WDFY4: variants seen among roughly 807,000 people sequenced by gnomAD.
WDFY4 encodes WDFY family member 4, also known as WD repeat- and FYVE domain-containing protein 4.
In WDFY4, 169 loss-of-function variants were observed where a neutral mutation model predicts 351.9. The observed-to-expected ratio is 0.48, with a 90% confidence interval of 0.42 to 0.55. The LOEUF (loss-of-function observed/expected upper bound fraction) is 0.55. Ranked by LOEUF, WDFY4 falls within the 20% of genes least tolerant of loss-of-function variation. The pLI, the probability that WDFY4 is intolerant of heterozygous loss-of-function variation, is 0.00. For synonymous variants in WDFY4, 1,622 were observed against 1,574.6 expected, an observed-to-expected ratio of 1.03 and a Z score of -0.71; for missense variants, 3,803 against 3,935.6, an observed-to-expected ratio of 0.97 and a Z score of 0.90.
At chr10:48,792,184 C>T (rs370565866) in intron 23 of WDFY4, among the ~76,000 whole-genome samples, 4 of 152,158 alleles carry the variant, frequency 2.6e-5, no homozygotes, top group African/African-American at 9.7e-5. Flanking sequence ...CCTGTGGCCT[C>T]CGCTCAGAGC....
At chr10:48,859,113 T>TTTTGC (rs1439496523) in intron 39 of WDFY4, among the ~76,000 whole-genome samples, 1 of 152,182 alleles carries the variant, frequency 6.6e-6, no homozygotes, top group Non-Finnish European at 1.5e-5. Context: ...TTTTGTTTTG[T>TTTTGC]TTTGCTTTGT....
chr10:48,791,015 A>G, intron 23 of WDFY4, 98 bp downstream of exon 23: 7 of 1,425,936 alleles, frequency 4.9e-6, no homozygotes, highest in Non-Finnish European at 5.7e-6. Context: ...CATTCCCTCC[A>G]GGGTGACTTC....
Position 48,729,587 on chromosome 10 carries a change from C to T in WDFY4, c.1127C>T (p.Ser376Phe). ...GGCTTCAAGTTCCATCATGAGGCAT[C>T]TGGTGAGTCTTTCCTGTGTCTGGGT... ...LEGFKFHHEASGVTVKNLQAF... is the reference protein window; with the variant it reads ...LEGFKFHHEAFGVTVKNLQAF... The change falls in exon 8 of 62, where the codon TCT becomes TTT. Residue 376 changes from serine (S) to phenylalanine (F), a missense_variant and splice_region_variant. Physicochemically the swap from Ser to Phe is radical, Grantham distance 155. Around this residue, in one of 3 missense-constraint regions of WDFY4, gnomAD observed 488 missense variants for 456.8 expected, o/e 1.07. Transcript: ENST00000325239. The T allele has an allele frequency of 6.4e-7, 1 of 1,551,662 alleles. No homozygotes were observed. Among genetic ancestry groups the T allele is most frequent in the South Asian group, 1.2e-5 (1 of 84,058 alleles).
chr10:48,777,391 AT>A (rs2066068876), intron 16 of WDFY4, 27 bp from the exon 17 acceptor site: 1 of 1,548,390 alleles, frequency 6.5e-7, no homozygotes, highest in African/African-American at 1.4e-5. Flanking sequence ...TTGCAGTCCA[AT>A]GATCTGAGAC....
chr10:48,970,179 G>T lies in WDFY4; in HGVS notation c.8818G>T (p.Ala2940Ser). The change falls in exon 57 of 62, where the codon GCC becomes TCC. Residue 2940 changes from alanine (A) to serine (S), a missense_variant. Physicochemically the swap from Ala to Ser is moderately conservative, Grantham distance 99 (BLOSUM62 1). Coordinates refer to ENST00000325239, the MANE Select transcript of WDFY4 (RefSeq NM_001394531.1). ...NLAAWGRCLC[A>S]VCPSPTTIVT... ...GGCTGCCTGGGGCCGCTGTCTGTGC[G>T]CCGTGTGCCCATCCCCAACAACGAT... 4 of 1,551,690 alleles carry T rather than the reference G, an allele frequency of 2.6e-6. No homozygotes were observed. The highest frequency in any genetic ancestry group is 3.5e-6 in the Non-Finnish European group (4 of 1,147,012).
intron 23 of WDFY4, among the ~76,000 whole-genome samples, chr10:48,793,708 A>C (rs1425228911): frequency 6.6e-6 from 1 of 152,210 alleles, no homozygotes; most frequent in Non-Finnish European, 1.5e-5. Context: ...TACCCTAAGA[A>C]CATGCCATAG....
chr10:48,839,376 A>C (rs2068517800), intron 39 of WDFY4, among the ~76,000 whole-genome samples: 1 of 152,246 alleles, frequency 6.6e-6, no homozygotes, highest in Admixed American at 6.5e-5. Flanking sequence ...TTTTACTTAA[A>C]GTTGTAGTAG....
intron 47 of WDFY4, among the ~76,000 whole-genome samples, chr10:48,921,043 G>T (rs1839027993): frequency 1.3e-5 from 2 of 152,120 alleles, no homozygotes; most frequent in South Asian, 4.1e-4. Context: ...TTCGTGAATT[G>T]GATGACTTAA....
intron 9 of WDFY4, among the ~76,000 whole-genome samples, chr10:48,733,182 A>G (rs1435496205): frequency 6.6e-6 from 1 of 152,208 alleles, no homozygotes; most frequent in African/African-American, 2.4e-5. Context: ...GACCACTCCT[A>G]GGAGAAATTA....
At chr10:48,910,864 A>C in intron 47 of WDFY4, 2 of 979,574 alleles carry the variant, frequency 2.0e-6, no homozygotes, top group Non-Finnish European at 2.4e-6. Flanking sequence ...GACGTGGACC[A>C]GCAAACCCTG....
At chr10:48,865,220 A>T (rs535243622) in intron 39 of WDFY4, among the ~76,000 whole-genome samples, 21 of 152,222 alleles carry the variant, frequency 1.4e-4, no homozygotes, top group African/African-American at 5.1e-4. Context: ...GTTACCCTTT[A>T]TGAGATTGAG....
chr10:48,880,668 G>A (rs188284449), intron 43 of WDFY4, among the ~76,000 whole-genome samples: 147 of 152,306 alleles, frequency 9.7e-4, no homozygotes, highest in African/African-American at 3.4e-3. Flanking sequence ...TGTGAGGTTC[G>A]GCTCCTGGCC....
chr10:48,946,784 C>A, intron 50 of WDFY4, 76 bp from the exon 51 acceptor site: 2 of 1,070,118 alleles, frequency 1.9e-6, no homozygotes, highest in Non-Finnish European at 1.4e-6. Context: ...CGTTCATGAA[C>A]ACAGTGTAGC....
intron 13 of WDFY4, 77 bp downstream of exon 13, chr10:48,760,517 T>C: frequency 1.4e-6 from 2 of 1,435,588 alleles, no homozygotes; most frequent in Non-Finnish European, 1.9e-6. Context: ...CCAAGACAGC[T>C]TTTTTCCTTT....
At chr10:48,969,806 C>T (rs1481919427) in intron 56 of WDFY4, among the ~76,000 whole-genome samples, 1 of 152,096 alleles carries the variant, frequency 6.6e-6, no homozygotes. Flanking sequence ...CCCTCCCTAG[C>T]CTTGCCCCAC....
intron 12 of WDFY4, among the ~76,000 whole-genome samples, chr10:48,754,130 A>G (rs2065260931): frequency 6.6e-6 from 1 of 152,106 alleles, no homozygotes; most frequent in South Asian, 2.1e-4. Flanking sequence ...GTCATGACAT[A>G]TAATCCTTTT....
intron 32 of WDFY4, among the ~76,000 whole-genome samples, chr10:48,819,875 T>C (rs988387599): frequency 1.3e-5 from 2 of 152,144 alleles, no homozygotes; most frequent in Non-Finnish European, 2.9e-5. Flanking sequence ...CATGTCATTC[T>C]CCCAGATCCG....
chr10:48,974,534 TCATGA>T (rs74356356), intron 57 of WDFY4, among the ~76,000 whole-genome samples: 53,821 of 71,404 alleles, frequency 0.75, 23,800 homozygotes, highest in East Asian at 0.84. Context: ...AAAAAACAAC[TCATGA>T]CATGAACTGC....
At chr10:48,831,592 C>T (rs2068190970) in intron 38 of WDFY4, among the ~76,000 whole-genome samples, 1 of 152,172 alleles carries the variant, frequency 6.6e-6, no homozygotes, top group South Asian at 2.1e-4. Flanking sequence ...ATAAATTAGT[C>T]CTGGCAAGTG....
Sources: gnomAD v4.1 joint callset for allele counts (sites outside exome capture counted in the v4.1 genomes callset) on GRCh38, gnomAD v4.1.1 for gene constraint, gnomAD v4.1.1 regional missense constraint, MANE v1.5 for transcripts, NCBI Gene and HGNC (gene_info 2026-07-23, HGNC 2026-07-21) for gene names.